PRELID2: variants seen among roughly 807,000 people sequenced by gnomAD.
The protein encoded by PRELID2 is PRELI domain containing 2, also known as PRELI domain-containing protein 2.
In PRELID2, 25 loss-of-function variants were observed where a neutral mutation model predicts 28.4. The ratio of observed to expected loss-of-function variants is 0.88; its 90% CI spans 0.64 to 1.23. PRELID2 has a LOEUF of 1.23. PRELID2 is among the 50% of genes most tolerant of loss of function. The pLI, the probability that PRELID2 is intolerant of heterozygous loss-of-function variation, is 0.00. For synonymous variants in PRELID2, 76 were observed against 71.6 expected (o/e 1.06, Z -0.31); for missense variants, 201 against 214.4 (o/e 0.94, Z 0.39).
intron 1 of PRELID2, among the ~76,000 whole-genome samples, chr5:145,716,768 T>C (rs979980250): frequency 2.2e-4 from 33 of 152,330 alleles, no homozygotes; most frequent in African/African-American, 7.5e-4. Context: ...ACAGCTAGCA[T>C]TTATTGAGAG....
the PRELID2 span, among the ~76,000 whole-genome samples, chr5:145,377,546 T>C: frequency 6.6e-6 from 1 of 152,336 alleles, no homozygotes; most frequent in Admixed American, 6.5e-5. Context: ...ATCTGGTTGC[T>C]CCTGTGTTGG....
chr5:145,690,289 G>A (rs1474614074), intron 1 of PRELID2, among the ~76,000 whole-genome samples: 8 of 152,152 alleles, frequency 5.3e-5, no homozygotes, highest in Admixed American at 5.2e-4. Flanking sequence ...CACCGCATCT[G>A]GCGAGGGGAT....
chr5:145,620,847 T>A (rs1366084722), intron 1 of PRELID2, among the ~76,000 whole-genome samples: 4 of 151,686 alleles, frequency 2.6e-5, no homozygotes, highest in African/African-American at 9.7e-5. Flanking sequence ...ACACACAAAA[T>A]TAAAGATAGC....
intron 1 of PRELID2, among the ~76,000 whole-genome samples, chr5:145,515,921 C>T (rs951676208): frequency 7.2e-5 from 11 of 152,116 alleles, no homozygotes; most frequent in African/African-American, 2.7e-4. Context: ...GCAGAAAAGG[C>T]CTTTGACAAA....
chr5:145,807,767 C>T (rs1393029763), intron 4 of PRELID2, among the ~76,000 whole-genome samples: 2 of 152,156 alleles, frequency 1.3e-5, no homozygotes, highest in Admixed American at 1.3e-4. Context: ...TCCCCTTTAG[C>T]AGATTTTCAT....
chr5:145,369,528 G>A, the PRELID2 span, among the ~76,000 whole-genome samples: 1 of 151,898 alleles, frequency 6.6e-6, no homozygotes, highest in Non-Finnish European at 1.5e-5. Context: ...TAATTGTTGG[G>A]CATTTCAGTT....
chr5:145,229,012 A>T, the PRELID2 span: 3 of 1,602,118 alleles, frequency 1.9e-6, no homozygotes, highest in African/African-American at 4.0e-5. Flanking sequence ...GTCAGCAGGG[A>T]GTTTGTGGAG....
At chr5:145,575,914 A>G (rs1403070868) in intron 1 of PRELID2, among the ~76,000 whole-genome samples, 2 of 151,820 alleles carry the variant, frequency 1.3e-5, no homozygotes, top group Non-Finnish European at 2.9e-5. Flanking sequence ...TACTCCTTCT[A>G]TGCTCCACAG....
chr5:145,728,922 G>A, intron 1 of PRELID2: 1 of 849,368 alleles, frequency 1.2e-6, no homozygotes, highest in Non-Finnish European at 2.1e-6. Flanking sequence ...CAAAATACAA[G>A]CTATCCCAGA....
At chr5:145,680,560 T>A (rs1269502533) in intron 1 of PRELID2, among the ~76,000 whole-genome samples, 1 of 152,132 alleles carries the variant, frequency 6.6e-6, no homozygotes, top group Non-Finnish European at 1.5e-5. Flanking sequence ...CTGGCATGAA[T>A]CTGTGAGAAG....
chr5:145,824,371 A>C (rs1160376044), intron 1 of PRELID2, among the ~76,000 whole-genome samples: 1 of 151,618 alleles, frequency 6.6e-6, no homozygotes, highest in African/African-American at 2.4e-5. Flanking sequence ...AAGTTTTCCG[A>C]ACCCTAGGAA....
chr5:145,812,104 C>A lies in PRELID2; in HGVS notation c.368+5790G>T, dbSNP rs1055809128. 3.9e-5 allele frequency among the ~76,000 whole-genome samples: 6 copies of A among 152,174 alleles called. No homozygotes were observed. The South Asian group carries it at 1.2e-3, about 32-fold the overall frequency. On this transcript the variant is annotated intron_variant, in intron 4 of 6. Coordinates refer to ENST00000683046, the MANE Select transcript of PRELID2 (RefSeq NM_205846.3). ...GAACACGCTGATTGGTCTGGGGGAG[C>A]AGGTGTTCTAAGTTGACTCAATCAC...
chr5:145,253,429 T>C, the PRELID2 span, among the ~76,000 whole-genome samples: 11 of 152,148 alleles, frequency 7.2e-5, no homozygotes, highest in Non-Finnish European at 1.2e-4. Context: ...CTAGGTGATA[T>C]TCCTAGAGGC....
the PRELID2 span, among the ~76,000 whole-genome samples, chr5:145,284,147 G>A: frequency 2.0e-5 from 3 of 152,076 alleles, no homozygotes; most frequent in Admixed American, 2.0e-4. Flanking sequence ...TTTATTCTGA[G>A]GATTAATGCA....
chr5:145,680,206 T>C (rs193180817), intron 1 of PRELID2, among the ~76,000 whole-genome samples: 3 of 152,260 alleles, frequency 2.0e-5, no homozygotes, highest in South Asian at 2.1e-4. Flanking sequence ...ATTTGTGTTT[T>C]GAAAAAAGAA....
the PRELID2 span, among the ~76,000 whole-genome samples, chr5:145,296,480 T>A: frequency 6.6e-6 from 1 of 152,022 alleles, no homozygotes; most frequent in Admixed American, 6.6e-5. Flanking sequence ...CTGAGAATGA[T>A]GATTTCCAAT....
At chr5:145,285,527 T>C in the PRELID2 span, among the ~76,000 whole-genome samples, 2 of 152,196 alleles carry the variant, frequency 1.3e-5, no homozygotes, top group Non-Finnish European at 2.9e-5. Context: ...TGGTCTGTGG[T>C]ACATTTTAAA....
the PRELID2 span, among the ~76,000 whole-genome samples, chr5:145,405,505 T>A: frequency 3.2e-3 from 487 of 152,184 alleles, 4 homozygotes; most frequent in African/African-American, 0.011. Flanking sequence ...TATTTTTCTT[T>A]CTGTTTCACT....
chr5:145,742,159 A>AT (rs1756836504), intron 1 of PRELID2, among the ~76,000 whole-genome samples: 1 of 118,048 alleles, frequency 8.5e-6, no homozygotes, highest in Non-Finnish European at 1.6e-5. Flanking sequence ...TATTTATTAT[A>AT]AATTTATTTA....
Sources: gnomAD v4.1 joint callset for allele counts (sites outside exome capture counted in the v4.1 genomes callset) on GRCh38, gnomAD v4.1.1 for gene constraint, MANE v1.5 for transcripts, NCBI Gene and HGNC (gene_info 2026-07-23, HGNC 2026-07-21) for gene names.